The following TRIP12 variants were observed in gnomAD, a reference collection of about 807,000 sequenced individuals.
TRIP12 encodes E3 ubiquitin-protein ligase TRIP12.
A neutral mutation model predicts 244.2 loss-of-function variants in TRIP12; 25 were observed. The ratio of observed to expected loss-of-function variants is 0.10; its 90% CI spans 0.07 to 0.14. TRIP12 has a LOEUF of 0.14. Ranked by LOEUF, TRIP12 falls within the 10% of genes least tolerant of loss-of-function variation. TRIP12 has a pLI of 1.00. For synonymous variants in TRIP12, 905 were observed against 873.1 expected (o/e 1.04, Z -0.64); for missense variants, 1,677 against 2,486.4 (o/e 0.67, Z 6.92).
At position 229,817,567 on chromosome 2, in the gene TRIP12, AT is replaced by A. The variant is rs1202780901; in HGVS notation, c.1599+796del. Among the ~76,000 whole-genome samples the A allele has an allele frequency of 6.6e-5, 10 of 152,264 alleles. No individual in the cohort carries two copies. In the East Asian group the frequency reaches 1.7e-3, roughly 26 times the overall value. On this transcript the variant is annotated intron_variant, in intron 9 of 41. Coordinates refer to ENST00000675903, the MANE Select transcript of TRIP12 (RefSeq NM_001348323.3). ...ACTGTGTTGAAAAGGCATTAAAAAG[AT>A]TTTTTAAAGTCTTTTATTTCTTTTT...
intron 13 of TRIP12, among the ~76,000 whole-genome samples, chr2:229,812,152 C>T (rs987383451): frequency 6.6e-6 from 1 of 152,136 alleles, no homozygotes; most frequent in African/African-American, 2.4e-5. Flanking sequence ...TGCAATGGCA[C>T]GATCTCAGCT....
intron 5 of TRIP12, among the ~76,000 whole-genome samples, chr2:229,839,837 C>A (rs2055925982): frequency 6.6e-6 from 1 of 152,196 alleles, no homozygotes; most frequent in Non-Finnish European, 1.5e-5. Flanking sequence ...GGCTAAGATT[C>A]TCAATCAGTT....
chr2:229,803,480 A>G, intron 20 of TRIP12, 91 bp downstream of exon 20: 1 of 773,958 alleles, frequency 1.3e-6, no homozygotes, highest in African/African-American at 1.8e-5. Context: ...TTTTAAATTG[A>G]AAAGCTATCA....
intron 4 of TRIP12, among the ~76,000 whole-genome samples, chr2:229,850,561 C>T (rs2058462517): frequency 6.6e-6 from 1 of 152,220 alleles, no homozygotes. Context: ...GTGTGGCAGT[C>T]CTCACAGCCC....
chr2:229,802,501 G>A (rs778528566), intron 20 of TRIP12, 42 bp from the exon 21 acceptor site: 4 of 1,476,918 alleles, frequency 2.7e-6, no homozygotes, highest in Non-Finnish European at 3.7e-6. Context: ...TTTTAATCAG[G>A]AGTAGAACCT....
intron 8 of TRIP12, among the ~76,000 whole-genome samples, chr2:229,819,990 GAAGAA>G (rs2049609255): frequency 6.6e-6 from 1 of 152,086 alleles, no homozygotes; most frequent in African/African-American, 2.4e-5. Flanking sequence ...AAATACACCA[GAAGAA>G]AAGTTCAGGG....
intron 5 of TRIP12, 53 bp from the exon 6 acceptor site, chr2:229,837,037 T>C: frequency 2.1e-6 from 3 of 1,444,962 alleles, no homozygotes; most frequent in African/African-American, 1.5e-5. Context: ...CCAGGAGCAA[T>C]GTATACACAA....
intron 1 of TRIP12, among the ~76,000 whole-genome samples, chr2:229,916,325 G>C (rs1018684932): frequency 5.9e-5 from 9 of 152,228 alleles, no homozygotes; most frequent in African/African-American, 2.2e-4. Context: ...CACTTGAACA[G>C]TGCTATTAAG....
At chr2:229,903,068 G>T (rs1263359473) in intron 1 of TRIP12, among the ~76,000 whole-genome samples, 1 of 121,960 alleles carries the variant, frequency 8.2e-6, no homozygotes, top group Non-Finnish European at 1.6e-5. Flanking sequence ...TCAGTAATAA[G>T]ATATACAGGG....
chr2:229,784,365 T>C (rs1489043897), intron 34 of TRIP12, among the ~76,000 whole-genome samples: 1 of 149,028 alleles, frequency 6.7e-6, no homozygotes, highest in Non-Finnish European at 1.5e-5. Context: ...AACTTCAAAC[T>C]GTAATTAATA....
chr2:229,857,421 C>CAG (rs1432047231), intron 4 of TRIP12, among the ~76,000 whole-genome samples: 1 of 151,932 alleles, frequency 6.6e-6, no homozygotes, highest in Non-Finnish European at 1.5e-5. Context: ...TCACTTGTCC[C>CAG]AGTTCAAGAC....
chr2:229,815,089 G>A lies in TRIP12; in HGVS notation c.1731+10C>T, dbSNP rs926139362. 1 of 1,601,610 alleles carries A rather than the reference G, an allele frequency of 6.2e-7. No individual in the cohort carries two copies. On this transcript the variant is annotated intron_variant, in intron 11 of 41. Transcript: ENST00000675903. ...CTGCTTTTGAACAAACGGGGTAAAA[G>A]TAGGATCACCTTTTCTAAAAAGACA...
At chr2:229,861,236 T>C (rs992156067) in intron 2 of TRIP12, among the ~76,000 whole-genome samples, 1 of 152,224 alleles carries the variant, frequency 6.6e-6, no homozygotes, top group Non-Finnish European at 1.5e-5. Flanking sequence ...GCATCATATT[T>C]ACAATAAATC....
rs764133357 is a variant in TRIP12, at chr2:229,804,238, A to C, written c.2651-11T>G. The C allele has an allele frequency of 6.9e-7, 1 of 1,457,220 alleles. No homozygotes were observed. Among genetic ancestry groups the C allele is most frequent in the Non-Finnish European group, 9.4e-7 (1 of 1,065,312 alleles). The allele number at this position is 1,457,220 out of a possible 1,614,324, so 90.3% of individuals were successfully genotyped here. ...ACTCTGAATATCCACCTATTACATT[A>C]AAAAAAAATATATGTGCAATCCTGA... On this transcript the variant is annotated splice_polypyrimidine_tract_variant and intron_variant, in intron 18 of 41. Transcript: ENST00000675903.
chr2:229,774,013 C>T (rs372441818), intron 38 of TRIP12, 84 bp downstream of exon 38: 37 of 1,435,664 alleles, frequency 2.6e-5, no homozygotes, highest in African/African-American at 2.5e-4. Flanking sequence ...CAAGCCATAG[C>T]GTGTGCAGCC....
chr2:229,855,472 A>G (rs1216236892), intron 4 of TRIP12, among the ~76,000 whole-genome samples: 2 of 152,146 alleles, frequency 1.3e-5, no homozygotes, highest in African/African-American at 4.8e-5. Flanking sequence ...GGGTCCACAT[A>G]GTATTCATCT....
Position 229,880,130 on chromosome 2 carries a change from TA to T in TRIP12, c.-49-3del. ...ACCCTTTCTAGACACTACCATTCAC[TA>T]AAAGAAAAAAAAATAAACAAAATTT... is the stretch of plus-strand genomic sequence containing the variant. On this transcript the variant is annotated splice_region_variant and splice_polypyrimidine_tract_variant and intron_variant, in intron 1 of 41. Transcript: ENST00000675903. 6.7e-7 allele frequency: 1 copy of T among 1,490,772 alleles called. No homozygotes were observed. The allele number at this position is 1,490,772 out of a possible 1,614,324, so 92.3% of individuals were successfully genotyped here.
chr2:229,831,151 A>G (rs565214797), intron 6 of TRIP12: 108 of 714,890 alleles, frequency 1.5e-4, no homozygotes, highest in Non-Finnish European at 2.4e-4. Context: ...CCTCTTCTGA[A>G]AGTCAATAAA....
At position 229,858,965 on chromosome 2, in the gene TRIP12, T is replaced by C; in HGVS notation, c.834A>G (p.Ser278=). ...TTCTTCTGGGGCTGGGACTGGACGC[T>C]GAACGGGAACGCCTGGCCTTGTTCT... The part of the protein sequence containing the change: ...KDQNKARRSR[S]ASSPSPRRSS... Residue 278 remains serine (S), a synonymous_variant, in exon 4 of 42, where the codon TCA becomes TCG. Coordinates refer to ENST00000675903, the MANE Select transcript of TRIP12 (RefSeq NM_001348323.3). The C allele has an allele frequency of 6.2e-7, 1 of 1,614,210 alleles. No homozygotes were observed. The highest frequency in any genetic ancestry group is 8.5e-7 in the Non-Finnish European group (1 of 1,180,030).
Sources: allele counts gnomAD v4.1 joint callset (sites outside exome capture counted in the v4.1 genomes callset), GRCh38; gene constraint gnomAD v4.1.1; transcripts MANE v1.5; gene names NCBI Gene and HGNC (gene_info 2026-07-23, HGNC 2026-07-21).